The following ATF2 variants were observed in gnomAD, a reference collection of about 807,000 sequenced individuals.
The protein encoded by ATF2 is cyclic AMP-dependent transcription factor ATF-2.
A neutral mutation model predicts 60.6 loss-of-function variants in ATF2; 24 were observed. The ratio of observed to expected loss-of-function variants is 0.40; its 90% CI spans 0.29 to 0.56. The LOEUF (loss-of-function observed/expected upper bound fraction) is 0.56, where lower values mean the gene tolerates loss of function less well. ATF2 is among the 20% of genes least tolerant of loss of function. ATF2 has a pLI of 0.54. For synonymous variants in ATF2, 206 were observed against 215.4 expected, an observed-to-expected ratio of 0.96 and a Z score of 0.38; for missense variants, 433 against 607.7, an observed-to-expected ratio of 0.71 and a Z score of 3.02.
chr2:175,159,680 T>A (rs1050889044), intron 1 of ATF2, among the ~76,000 whole-genome samples: 2 of 152,234 alleles, frequency 1.3e-5, no homozygotes, highest in African/African-American at 4.8e-5. Flanking sequence ...AGTAGTCCAA[T>A]TTTTAAATTA....
chr2:175,110,470 G>A (rs1313250729), intron 10 of ATF2, among the ~76,000 whole-genome samples: 4 of 152,038 alleles, frequency 2.6e-5, no homozygotes, highest in Admixed American at 2.6e-4. Flanking sequence ...GATTTCCTAA[G>A]GATACATTAA....
chr2:175,114,376 T>C (rs2105690306), intron 8 of ATF2: 1 of 1,257,496 alleles, frequency 8.0e-7, no homozygotes, highest in South Asian at 2.5e-5. Flanking sequence ...CAGAGAGCTC[T>C]TGGGAGCTAC....
At chr2:175,143,444 T>A (rs1409213553) in intron 2 of ATF2, among the ~76,000 whole-genome samples, 5 of 152,218 alleles carry the variant, frequency 3.3e-5, no homozygotes, top group Non-Finnish European at 7.3e-5. Context: ...GCTTTTATCA[T>A]CAATGAATAT....
intron 10 of ATF2, among the ~76,000 whole-genome samples, chr2:175,110,462 T>TA (rs1237526444): frequency 6.6e-6 from 1 of 152,240 alleles, no homozygotes; most frequent in African/African-American, 2.4e-5. Flanking sequence ...AATCTATTGA[T>TA]TTCCTAAGGA....
At chr2:175,085,912 AT>A (rs1268088003) in intron 12 of ATF2, among the ~76,000 whole-genome samples, 2 of 152,108 alleles carry the variant, frequency 1.3e-5, no homozygotes, top group African/African-American at 2.4e-5. Flanking sequence ...ACATTCTTTT[AT>A]TTTTTAATTT....
Position 175,074,647 on chromosome 2 carries a change from T to C in ATF2, c.1480A>G (p.Met494Val). The C allele has an allele frequency of 1.2e-6, 2 of 1,613,254 alleles. No individual in the cohort carries two copies. The highest frequency in any genetic ancestry group is 1.7e-6 in the Non-Finnish European group (2 of 1,179,602). The change falls in exon 14 of 14, where the codon ATG becomes GTG. Residue 494 changes from methionine (M) to valine (V), a missense_variant. Coordinates refer to ENST00000264110, the MANE Select transcript of ATF2 (RefSeq NM_001880.4). Reference sequence around the variant, plus strand: ...GGCTGTGACTGGGAGGAAGGAGCCATAACGATCTGTGAAAGAGCAGGCTCT... The same window carrying C: ...GGCTGTGACTGGGAGGAAGGAGCCACAACGATCTGTGAAAGAGCAGGCTCT... Reference protein sequence around the residue: ...STEPALSQIVMAPSSQSQPSG... With the variant: ...STEPALSQIVVAPSSQSQPSG...
intron 10 of ATF2, among the ~76,000 whole-genome samples, chr2:175,108,329 C>T (rs1187493654): frequency 6.7e-6 from 1 of 150,056 alleles, no homozygotes; most frequent in Non-Finnish European, 1.5e-5. Context: ...GGTGGGGGGT[C>T]AACCCCCGCC....
intron 13 of ATF2, among the ~76,000 whole-genome samples, chr2:175,078,473 C>T (rs778249497): frequency 3.9e-5 from 6 of 152,102 alleles, no homozygotes; most frequent in Non-Finnish European, 7.4e-5. Context: ...TTAGTATTTT[C>T]ATTCAGGTTT....
intron 10 of ATF2, among the ~76,000 whole-genome samples, chr2:175,108,880 A>C (rs1418636686): frequency 6.6e-6 from 1 of 152,110 alleles, no homozygotes. Context: ...ACCCCCAATC[A>C]TGTGCTCTCT....
At chr2:175,158,687 C>T (rs1313822471) in intron 1 of ATF2, among the ~76,000 whole-genome samples, 1 of 151,840 alleles carries the variant, frequency 6.6e-6, no homozygotes, top group Non-Finnish European at 1.5e-5. Flanking sequence ...TTAATCAAGG[C>T]AATGATCCTC....
At chr2:175,142,020 T>C (rs1698579522) in intron 2 of ATF2, among the ~76,000 whole-genome samples, 1 of 151,818 alleles carries the variant, frequency 6.6e-6, no homozygotes, top group African/African-American at 2.4e-5. Context: ...TCCCTGAAAA[T>C]TCTAAAAAAG....
At chr2:175,115,260 G>A (rs1381453794) in intron 7 of ATF2, among the ~76,000 whole-genome samples, 1 of 152,094 alleles carries the variant, frequency 6.6e-6, no homozygotes, top group Non-Finnish European at 1.5e-5. Context: ...TATACTGTAT[G>A]AAGAGGAAAC....
intron 3 of ATF2, 39 bp downstream of exon 3, chr2:175,136,373 G>C: frequency 1.3e-6 from 2 of 1,592,262 alleles, no homozygotes; most frequent in Non-Finnish European, 1.7e-6. Flanking sequence ...AACCCAAAAT[G>C]TAAAAAATGG....
At chr2:175,092,777 CACTTTATATCACA>C (rs1015002144) in intron 12 of ATF2, among the ~76,000 whole-genome samples, 5 of 152,134 alleles carry the variant, frequency 3.3e-5, no homozygotes, top group Admixed American at 1.3e-4. Flanking sequence ...AAATTCTCTG[CACTTTATATCACA>C]ACTTTATAAA....
chr2:175,144,968 G>A (rs986506254), intron 2 of ATF2, among the ~76,000 whole-genome samples: 4 of 152,178 alleles, frequency 2.6e-5, no homozygotes, highest in African/African-American at 9.7e-5. Flanking sequence ...AACATATCAA[G>A]GATGTGCTAG....
At chr2:175,153,373 C>T (rs1171262861) in intron 1 of ATF2, among the ~76,000 whole-genome samples, 2 of 152,190 alleles carry the variant, frequency 1.3e-5, no homozygotes, top group Non-Finnish European at 2.9e-5. Context: ...ATTGTGCAAA[C>T]TTCAGACTAT....
chr2:175,088,689 T>C (rs1425036820), intron 12 of ATF2, among the ~76,000 whole-genome samples: 1 of 152,068 alleles, frequency 6.6e-6, no homozygotes, highest in African/African-American at 2.4e-5. Context: ...ATTATCAAGT[T>C]GTACCCACAG....
At chr2:175,097,993 C>G (rs543559123) in intron 10 of ATF2, among the ~76,000 whole-genome samples, 21 of 152,260 alleles carry the variant, frequency 1.4e-4, no homozygotes, top group Middle Eastern at 6.8e-3. Flanking sequence ...CATGACAGAC[C>G]TAGTATTAGA....
chr2:175,090,325 T>TA (rs1303937394), intron 12 of ATF2, among the ~76,000 whole-genome samples: 1 of 152,206 alleles, frequency 6.6e-6, no homozygotes, highest in African/African-American at 2.4e-5. Context: ...CACTGTAGCA[T>TA]ATACTTCATT....
Sources: gnomAD v4.1 joint callset for allele counts (sites outside exome capture counted in the v4.1 genomes callset) on GRCh38, gnomAD v4.1.1 for gene constraint, MANE v1.5 for transcripts, NCBI Gene and HGNC (gene_info 2026-07-23, HGNC 2026-07-21) for gene names.